Variants in SLC29A3 observed in about 807,000 individuals in gnomAD.
SLC29A3 encodes solute carrier family 29 member 3.
In SLC29A3, 18 loss-of-function variants were observed where a neutral mutation model predicts 25.4. The ratio of observed to expected loss-of-function variants is 0.71; its 90% CI spans 0.49 to 1.05. The LOEUF (loss-of-function observed/expected upper bound fraction) is 1.05, where lower values mean the gene tolerates loss of function less well. Among genes scored for constraint, SLC29A3 ranks in the 50% least tolerant of loss-of-function variants. SLC29A3 has a pLI of 0.00. For synonymous variants in SLC29A3, 258 were observed against 267.1 expected (o/e 0.97, Z 0.33); for missense variants, 586 against 609.0 (o/e 0.96, Z 0.40).
intron 4 of SLC29A3, among the ~76,000 whole-genome samples, chr10:71,376,792 C>A (rs1466726555): frequency 6.6e-6 from 1 of 152,106 alleles, no homozygotes; most frequent in Middle Eastern, 3.2e-3. Context: ...GAGATGGAGT[C>A]TCCCTTCGTT....
In SLC29A3 at chr10:71,362,682, A is replaced by G. The variant is rs780903357; in HGVS notation, c.*74A>G. 5.8e-5 allele frequency: 92 copies of G among 1,597,424 alleles called. 1 individual carries two copies. The highest frequency in any genetic ancestry group is 7.6e-5 in the Non-Finnish European group (89 of 1,169,042). ...AGAGAGTGCAGGAGGGCTGGGGGCC[A>G]TGGAGGAAAGGCCTAAAGTTTCACT... On this transcript the variant is annotated 3_prime_UTR_variant, in exon 6 of 6. Transcript: ENST00000373189.
At chr10:71,358,179 C>T (rs999460090) in intron 5 of SLC29A3, among the ~76,000 whole-genome samples, 3 of 152,274 alleles carry the variant, frequency 2.0e-5, no homozygotes, top group South Asian at 2.1e-4. Flanking sequence ...CTCTCCCCAC[C>T]GGATCATGCT....
At chr10:71,339,114 G>A (rs1846328631) in intron 2 of SLC29A3, among the ~76,000 whole-genome samples, 1 of 152,242 alleles carries the variant, frequency 6.6e-6, no homozygotes, top group African/African-American at 2.4e-5. Flanking sequence ...GTACCTCTGG[G>A]AAATTCCTCT....
At chr10:71,366,004 T>A (rs1847167790), downstream of SLC29A3, 1 of 152,238 alleles carries the variant, frequency 6.6e-6, no homozygotes, top group South Asian at 2.1e-4. Flanking sequence ...TTTTGGTTTC[T>A]TTGAGACAAG....
intron 2 of SLC29A3, among the ~76,000 whole-genome samples, chr10:71,325,766 C>G (rs538845470): frequency 6.6e-6 from 1 of 152,248 alleles, no homozygotes; most frequent in East Asian, 1.9e-4. Flanking sequence ...GATGCAGTCT[C>G]CCACCCACTC....
intron 3 of SLC29A3, among the ~76,000 whole-genome samples, chr10:71,349,396 C>T (rs939618230): frequency 6.6e-6 from 1 of 152,150 alleles, no homozygotes; most frequent in Non-Finnish European, 1.5e-5. Context: ...AGCCAGCAGC[C>T]CCAGACACAG....
rs1023037009 is a variant in SLC29A3, at chr10:71,346,218, G to A, written c.383+1927G>A. On this transcript the variant is annotated intron_variant, in intron 3 of 5. Transcript: ENST00000373189. ...CCATGGGTCAGGAGTGGCAGGGAAC[G>A]TCCAGCCTCTGGGCTGTGAGAGAAT... Among the ~76,000 whole-genome samples the A allele has an allele frequency of 3.9e-5, 6 of 152,354 alleles. No homozygotes were observed. The East Asian group carries it at 5.8e-4, about 15-fold the overall frequency.
intron 2 of SLC29A3, among the ~76,000 whole-genome samples, chr10:71,343,139 A>AT (rs1300900741): frequency 6.6e-6 from 1 of 152,012 alleles, no homozygotes. Context: ...TGCCCGACTA[A>AT]TTTTTTTATT....
chr10:71,336,216 G>A (rs1846248121), intron 2 of SLC29A3, among the ~76,000 whole-genome samples: 1 of 152,138 alleles, frequency 6.6e-6, no homozygotes, highest in South Asian at 2.1e-4. Flanking sequence ...CCCGTATACT[G>A]TGGATTGAGG....
At chr10:71,324,720 G>C (rs534529819) in intron 2 of SLC29A3, among the ~76,000 whole-genome samples, 3 of 152,264 alleles carry the variant, frequency 2.0e-5, no homozygotes, top group African/African-American at 7.2e-5. Context: ...GGTATAGGTG[G>C]GAGTCCTGGA....
intron 1 of SLC29A3, 55 bp from the exon 2 acceptor site, chr10:71,322,701 C>T: frequency 6.2e-7 from 1 of 1,607,760 alleles, no homozygotes; most frequent in Non-Finnish European, 8.5e-7. Context: ...AGCTGTCCCC[C>T]AGCCTTGGTT....
chr10:71,358,872 CA>C (rs1174310390), intron 5 of SLC29A3, among the ~76,000 whole-genome samples: 1 of 152,190 alleles, frequency 6.6e-6, no homozygotes, highest in Admixed American at 6.5e-5. Flanking sequence ...AGACAGAGAA[CA>C]CCCAGGACCA....
At chr10:71,349,255 A>C (rs528111598) in intron 3 of SLC29A3, among the ~76,000 whole-genome samples, 1 of 152,150 alleles carries the variant, frequency 6.6e-6, no homozygotes, top group East Asian at 1.9e-4. Context: ...TTAAGTGAAA[A>C]TTAAAGGCAG....
chr10:71,325,915 CTTT>C (rs5786034), intron 2 of SLC29A3, among the ~76,000 whole-genome samples: 10 of 122,624 alleles, frequency 8.2e-5, no homozygotes, highest in Admixed American at 8.5e-5. Context: ...TATATTAGTA[CTTT>C]TTTTTTTTTT....
intron 5 of SLC29A3, among the ~76,000 whole-genome samples, chr10:71,356,766 C>A (rs1846924820): frequency 6.6e-6 from 1 of 152,188 alleles, no homozygotes; most frequent in Non-Finnish European, 1.5e-5. Context: ...TTGGAGGCTG[C>A]AGTGAGCTGA....
chr10:71,344,347 C>T (rs371810507), intron 3 of SLC29A3, 56 bp downstream of exon 3: 2 of 1,353,606 alleles, frequency 1.5e-6, no homozygotes, highest in African/African-American at 1.4e-5. Context: ...GCCTCCTCTA[C>T]TCCCCTCTTG....
intron 2 of SLC29A3, among the ~76,000 whole-genome samples, chr10:71,338,395 G>A (rs770015308): frequency 7.1e-4 from 108 of 152,188 alleles, no homozygotes; most frequent in Non-Finnish European, 9.3e-4. Flanking sequence ...TGGGCGGTGG[G>A]ATTTGAGAGA....
At position 71,323,288 on chromosome 10, in the gene SLC29A3, A is replaced by G. The variant is rs7086724; in HGVS notation, c.300+234A>G. ...GGACTGAATAGTGTTATGTTCAGCT[A>G]TGAGTTACAGAAAATTCCAAAAGAC... On this transcript the variant is annotated intron_variant, in intron 2 of 5. Coordinates refer to ENST00000373189, the MANE Select transcript of SLC29A3 (RefSeq NM_018344.6). Among the ~76,000 whole-genome samples, 72,082 of 152,248 alleles carry G rather than the reference A, an allele frequency of 0.47. 18,010 individuals carry two copies. Among genetic ancestry groups the G allele is most frequent in the African/African-American group, 0.65 (26,803 of 41,544 alleles).
At position 71,339,982 on chromosome 10, in the gene SLC29A3, C is replaced by T. The variant is rs182148644; in HGVS notation, c.301-4227C>T. On this transcript the variant is annotated intron_variant, in intron 2 of 5. Coordinates refer to ENST00000373189, the MANE Select transcript of SLC29A3 (RefSeq NM_018344.6). ...CAGCCACCAGCACAGCACTGGCACA[C>T]GGGCTTGACACCTCTTCAGCAAACA... Among the ~76,000 whole-genome samples, 625 of 152,322 alleles carry T rather than the reference C, an allele frequency of 4.1e-3. 11 individuals are homozygous for T. The highest frequency in any genetic ancestry group is 0.015 in the African/African-American group (608 of 41,576).
Sources: allele counts gnomAD v4.1 joint callset (sites outside exome capture counted in the v4.1 genomes callset), GRCh38; gene constraint gnomAD v4.1.1; transcripts MANE v1.5; gene names NCBI Gene and HGNC (gene_info 2026-07-23, HGNC 2026-07-21).